Variants in TRIT1 observed in about 807,000 individuals in gnomAD.
TRIT1 encodes tRNA isopentenyltransferase 1.
A neutral mutation model predicts 51.2 loss-of-function variants in TRIT1; 43 were observed. The observed-to-expected ratio is 0.84, with a 90% CI of 0.66 to 1.08. The LOEUF (loss-of-function observed/expected upper bound fraction) is 1.08. Among genes scored for constraint, TRIT1 ranks in the 50% least tolerant of loss-of-function variants. The pLI is 0.00. For synonymous variants in TRIT1, 184 were observed against 203.9 expected (o/e 0.90, Z 0.83); for missense variants, 528 against 578.4 (o/e 0.91, Z 0.89).
chr1:39,855,586 C>A (rs2131312), intron 2 of TRIT1, among the ~76,000 whole-genome samples: 9,788 of 152,184 alleles, frequency 0.064, 776 homozygotes, highest in East Asian at 0.18. Flanking sequence ...CTTTGAGCAT[C>A]ATCTCAGCAC....
At chr1:39,873,036 C>A (rs557455755) in intron 1 of TRIT1, among the ~76,000 whole-genome samples, 1 of 152,108 alleles carries the variant, frequency 6.6e-6, no homozygotes, top group Non-Finnish European at 1.5e-5. Context: ...AACATATGTC[C>A]GCAAATTATT....
At chr1:39,846,261 G>A (rs1642216203) in intron 8 of TRIT1, among the ~76,000 whole-genome samples, 1 of 152,208 alleles carries the variant, frequency 6.6e-6, no homozygotes, top group Admixed American at 6.5e-5. Context: ...AGGGATCAAG[G>A]TATGTATTTT....
chr1:39,873,741 G>A (rs970649029), intron 1 of TRIT1, among the ~76,000 whole-genome samples: 5 of 151,996 alleles, frequency 3.3e-5, no homozygotes, highest in Non-Finnish European at 5.9e-5. Flanking sequence ...CAACTATTTC[G>A]GGCCAGGCAC....
In TRIT1 at chr1:39,852,780, G is replaced by C; in HGVS notation, c.511C>G (p.Pro171Ala). The C allele has an allele frequency of 6.2e-7, 1 of 1,614,014 alleles. No homozygotes were observed. Reference sequence around the variant, plus strand: ...GGATGCAGCTTGGCAGCCATTTCTGGGTCCACCTGGCTTAGGCGTTTGTGA... The same window carrying C: ...GGATGCAGCTTGGCAGCCATTTCTGCGTCCACCTGGCTTAGGCGTTTGTGA... ...VLHKRLSQVD[P>A]EMAAKLHPHD... Residue 171 changes from proline (P) to alanine (A), a missense_variant, in exon 4 of 11, where the codon CCA becomes GCA. Physicochemically the swap from Pro to Ala is conservative, Grantham distance 27. Transcript: ENST00000316891.
In TRIT1 at chr1:39,852,434, T is replaced by C. The variant is rs1642634756; in HGVS notation, c.560+297A>G. 4 of 285,536 alleles carry C rather than the reference T, an allele frequency of 1.4e-5. No homozygotes were observed. The East Asian group carries it at 2.6e-4, about 19-fold the overall frequency. The allele number at this position is 285,536 out of a possible 1,614,324, so 17.7% of individuals were successfully genotyped here. ...CAAACTGCATGCCAGAAAAAATGTA[T>C]ATGAAAACTGTTATACAAGCAAAGA... On this transcript the variant is annotated intron_variant, in intron 4 of 10. Transcript: ENST00000316891.
chr1:39,881,263 A>AACATAAAT (rs371956949), intron 1 of TRIT1, among the ~76,000 whole-genome samples: 499 of 152,008 alleles, frequency 3.3e-3, no homozygotes, highest in African/African-American at 0.011. Flanking sequence ...GAAATGATAG[A>AACATAAAT]ACATAAATAT....
At chr1:39,880,687 T>C (rs1186297402) in intron 1 of TRIT1, among the ~76,000 whole-genome samples, 1 of 151,718 alleles carries the variant, frequency 6.6e-6, no homozygotes, top group Non-Finnish European at 1.5e-5. Context: ...TAATTCCAGC[T>C]ACTCGGGAGG....
chr1:39,869,188 A>G (rs1335133827), intron 1 of TRIT1, among the ~76,000 whole-genome samples: 2 of 148,300 alleles, frequency 1.3e-5, no homozygotes, highest in Non-Finnish European at 3.0e-5. Context: ...ATCTCGGCTC[A>G]CTGCAACCTC....
chr1:39,847,455 C>G, intron 7 of TRIT1, 93 bp downstream of exon 7: 1 of 1,474,322 alleles, frequency 6.8e-7, no homozygotes. Context: ...CTATTTGGGA[C>G]GCTTTAAGCC....
At chr1:39,875,710 T>C (rs1054350828) in intron 1 of TRIT1, among the ~76,000 whole-genome samples, 3 of 152,224 alleles carry the variant, frequency 2.0e-5, no homozygotes, top group Middle Eastern at 3.4e-3. Flanking sequence ...TTGTCAGTAA[T>C]ATTATTCTTC....
chr1:39,866,193 T>C (rs183126147), intron 1 of TRIT1, among the ~76,000 whole-genome samples: 1 of 152,090 alleles, frequency 6.6e-6, no homozygotes, highest in Non-Finnish European at 1.5e-5. Context: ...AGTTCTTTTT[T>C]TTAGACAGAG....
In TRIT1 at chr1:39,844,103, G is replaced by A; in HGVS notation, c.1232C>T (p.Ala411Val). The A allele has an allele frequency of 1.2e-6, 2 of 1,610,970 alleles. No homozygotes were observed. The highest frequency in any genetic ancestry group is 1.7e-6 in the Non-Finnish European group (2 of 1,177,180). Reference protein sequence around the residue: ...DRIIIGDREWAAHIKSKSHLN... With the variant: ...DRIIIGDREWVAHIKSKSHLN... The stretch of plus-strand genomic sequence containing the variant: ...TCATGCCCCTCCCCATACTCTACCT[G>A]CCCATTCGCGATCCCCAATGATGAT... Residue 411 changes from alanine to valine, a missense_variant and splice_region_variant, in exon 10 of 11, where the codon GCA (alanine) becomes GTA (valine). Physicochemically the swap from Ala to Val is moderately conservative, Grantham distance 64. Transcript: ENST00000316891.
At chr1:39,865,908 AAAGG>A (rs546876676) in intron 1 of TRIT1, among the ~76,000 whole-genome samples, 1 of 151,108 alleles carries the variant, frequency 6.6e-6, no homozygotes, top group African/African-American at 2.4e-5. Flanking sequence ...AAAGAAAAAG[AAAGG>A]AAGGAAGGGA....
chr1:39,848,692 G>A (rs879866246), intron 5 of TRIT1, among the ~76,000 whole-genome samples: 11 of 151,468 alleles, frequency 7.3e-5, no homozygotes, highest in Admixed American at 1.3e-4. Context: ...GCGTAGTGGC[G>A]CGCGCCTGTA....
intron 1 of TRIT1, among the ~76,000 whole-genome samples, chr1:39,867,846 G>A (rs905468989): frequency 2.0e-5 from 3 of 152,070 alleles, no homozygotes; most frequent in African/African-American, 7.3e-5. Flanking sequence ...ATTTGACTCT[G>A]GTATATTTGT....
At chr1:39,861,878 C>T (rs1195203499) in intron 1 of TRIT1, among the ~76,000 whole-genome samples, 2 of 149,298 alleles carry the variant, frequency 1.3e-5, no homozygotes, top group South Asian at 2.1e-4. Context: ...GAGCTGAGAT[C>T]GCACCACTGC....
chr1:39,864,699 C>A (rs182618887), intron 1 of TRIT1, among the ~76,000 whole-genome samples: 21 of 152,176 alleles, frequency 1.4e-4, no homozygotes, highest in African/African-American at 4.6e-4. Context: ...ATACTCCCCC[C>A]AGTTTTTTAC....
At chr1:39,866,438 C>T (rs1308362094) in intron 1 of TRIT1, among the ~76,000 whole-genome samples, 1 of 152,150 alleles carries the variant, frequency 6.6e-6, no homozygotes, top group Non-Finnish European at 1.5e-5. Flanking sequence ...TTGACACTCA[C>T]TGGGAAGTTG....
At position 39,863,031 on chromosome 1, in the gene TRIT1, T is replaced by G. The variant is rs150248837; in HGVS notation, c.175-5614A>C. On this transcript the variant is annotated intron_variant, in intron 1 of 10. Coordinates refer to ENST00000316891, the MANE Select transcript of TRIT1 (RefSeq NM_017646.6). Reference sequence around the variant, plus strand: ...CAACTGGCTTCTTTGTAAGGCCTGATGACTGAAATATTCTGAAAAATTCCA... The same window carrying G: ...CAACTGGCTTCTTTGTAAGGCCTGAGGACTGAAATATTCTGAAAAATTCCA... 1.2e-3 allele frequency: 897 copies of G among 778,850 alleles called. 16 individuals are homozygous for G. The South Asian group carries it at 0.044, about 39-fold the overall frequency. The allele number at this position is 778,850 out of a possible 1,614,324, so 48.2% of individuals were successfully genotyped here.
Sources: allele counts gnomAD v4.1 joint callset (sites outside exome capture counted in the v4.1 genomes callset), GRCh38; gene constraint gnomAD v4.1.1; transcripts MANE v1.5; gene names NCBI Gene and HGNC (gene_info 2026-07-23, HGNC 2026-07-21).